The following CELF2 variants were observed in gnomAD, a reference collection of about 807,000 sequenced individuals.
CELF2 encodes the protein CUG triplet repeat RNA-binding protein 2.
In CELF2, 8 loss-of-function variants were observed where a neutral mutation model predicts 62.6. The observed-to-expected ratio is 0.13, with a 90% CI of 0.07 to 0.23. CELF2 has a LOEUF of 0.23. CELF2 is among the 10% of genes least tolerant of loss of function. CELF2 has a pLI of 1.00. For missense variants in CELF2, 333 were observed against 671.0 expected, an observed-to-expected ratio of 0.50 and a Z score of 5.56; for synonymous variants, 258 against 250.0, an observed-to-expected ratio of 1.03 and a Z score of -0.30.
chr10:10,887,914 G>A (rs1043765004), intron 1 of CELF2, among the ~76,000 whole-genome samples: 4 of 152,066 alleles, frequency 2.6e-5, no homozygotes, highest in African/African-American at 7.2e-5. Flanking sequence ...TGGAATTACT[G>A]GCATACGCCA....
Position 11,255,279 on chromosome 10 carries a change from C to T in CELF2, c.404-2459C>T, listed in dbSNP as rs1392478567. 6.6e-6 allele frequency among the ~76,000 whole-genome samples: 1 copy of T among 152,192 alleles called. No homozygotes were observed. The highest frequency in any genetic ancestry group is 1.5e-5 in the Non-Finnish European group (1 of 68,018). Reference sequence around the variant, plus strand: ...ATTGGAGCCCGGGGTGCCTGTTGCCCATGTCTCCTCCGAGTCTGAACACAA... The same window carrying T: ...ATTGGAGCCCGGGGTGCCTGTTGCCTATGTCTCCTCCGAGTCTGAACACAA... On this transcript the variant is annotated intron_variant, in intron 4 of 12. Coordinates refer to ENST00000633077, the MANE Select transcript of CELF2 (RefSeq NM_001326342.2). The surrounding 1 kb of genome is among the most constrained non-coding windows in gnomAD (Gnocchi z 5.5).
intron 4 of CELF2, among the ~76,000 whole-genome samples, 182 bp downstream of exon 4, chr10:11,249,383 C>G (rs2076497035): frequency 6.6e-6 from 1 of 152,182 alleles, no homozygotes; most frequent in Non-Finnish European, 1.5e-5. Flanking sequence ...CTCCTCTCTC[C>G]TGTCCTGTTG....
At chr10:11,154,787 C>T (rs28540726) in intron 1 of CELF2, among the ~76,000 whole-genome samples, 26,925 of 152,138 alleles carry the variant, frequency 0.18, 2,778 homozygotes, top group African/African-American at 0.29. Context: ...TGATACATTA[C>T]TGACTGAAAA....
the CELF2 span, among the ~76,000 whole-genome samples, chr10:10,570,521 A>G: frequency 3.9e-5 from 6 of 152,174 alleles, no homozygotes; most frequent in Admixed American, 3.3e-4. Context: ...TTAAAAGATT[A>G]CTAAAATGTA....
intron 5 of CELF2, among the ~76,000 whole-genome samples, chr10:11,258,585 G>A (rs1380477655): frequency 5.3e-5 from 8 of 152,318 alleles, no homozygotes; most frequent in Non-Finnish European, 1.0e-4. Context: ...CCTCTCCCTT[G>A]ACAATGCCAC....
chr10:11,139,401 G>A (rs73575671), intron 1 of CELF2, among the ~76,000 whole-genome samples: 17,107 of 152,168 alleles, frequency 0.11, 1,186 homozygotes, highest in African/African-American at 0.19. Context: ...AAGAAATTCT[G>A]TTAAAATTCA....
In CELF2 at chr10:11,318,644, C is replaced by G. The variant is rs1366768823; in HGVS notation, c.1097-2545C>G. ...CACAATACCCTCTGAAACATCCATC[C>G]AGTATTTCAAGAGCAGGAGCTGTGT... On this transcript the variant is annotated intron_variant, in intron 10 of 12. Coordinates refer to ENST00000633077, the MANE Select transcript of CELF2 (RefSeq NM_001326342.2). This position sits in a 1 kb window ranked among gnomAD's most constrained non-coding sequence, Gnocchi z 5.4. 5.1e-5 allele frequency: 20 copies of G among 395,678 alleles called. No individual in the cohort carries two copies. In the Admixed American group the frequency reaches 6.2e-4, roughly 12 times the overall value. The allele number at this position is 395,678 out of a possible 1,614,324, so 24.5% of individuals were successfully genotyped here.
At chr10:11,016,770 A>T (rs767916151), upstream of CELF2, among the ~76,000 whole-genome samples, 10 of 152,254 alleles carry the variant, frequency 6.6e-5, no homozygotes, top group Non-Finnish European at 1.0e-4. This position sits in a 1 kb window ranked among gnomAD's most constrained non-coding sequence, Gnocchi z 5.2. Flanking sequence ...TGAAAATTAC[A>T]TATTTCAAAC....
At chr10:11,222,563 G>A (rs2065181369) in intron 3 of CELF2, among the ~76,000 whole-genome samples, 1 of 152,010 alleles carries the variant, frequency 6.6e-6, no homozygotes, top group South Asian at 2.1e-4. Flanking sequence ...TTCTTTATTC[G>A]GCAACCATGT....
At chr10:10,800,689 C>T (rs1239912543) in intron 1 of CELF2, among the ~76,000 whole-genome samples, 3 of 152,136 alleles carry the variant, frequency 2.0e-5, no homozygotes, top group African/African-American at 4.8e-5. Flanking sequence ...TTTTTACTTT[C>T]GTTAAATAAT....
At chr10:10,742,206 A>C in the CELF2 span, among the ~76,000 whole-genome samples, 3 of 148,010 alleles carry the variant, frequency 2.0e-5, no homozygotes, top group Non-Finnish European at 4.5e-5. Flanking sequence ...TTAATGAGAA[A>C]AAAATTTTGG....
At chr10:10,730,638 G>A in the CELF2 span, among the ~76,000 whole-genome samples, 15 of 152,222 alleles carry the variant, frequency 9.9e-5, no homozygotes, top group East Asian at 1.9e-4. Context: ...TATTTGCCAC[G>A]TGAAAACCAT....
intron 1 of CELF2, among the ~76,000 whole-genome samples, chr10:10,873,848 G>C (rs1204920148): frequency 6.6e-6 from 1 of 152,130 alleles, no homozygotes; most frequent in South Asian, 2.1e-4. Context: ...CCTTCTTTCT[G>C]GGGGTGTGGA....
chr10:10,816,050 C>T (rs979828934), intron 1 of CELF2, among the ~76,000 whole-genome samples: 1 of 152,070 alleles, frequency 6.6e-6, no homozygotes, highest in Non-Finnish European at 1.5e-5. Context: ...AGACCTTTTA[C>T]TTTTATTGAC....
chr10:10,655,342 G>A, the CELF2 span, among the ~76,000 whole-genome samples: 2 of 119,142 alleles, frequency 1.7e-5, no homozygotes, highest in Non-Finnish European at 3.7e-5. Flanking sequence ...AGCTACCAAT[G>A]ACTTTCTTCA....
At chr10:11,240,100 G>A (rs7895167) in intron 3 of CELF2, among the ~76,000 whole-genome samples, 62,310 of 152,040 alleles carry the variant, frequency 0.41, 12,765 homozygotes, top group East Asian at 0.46. Flanking sequence ...ATATGTAAAA[G>A]AACAACTTGA....
intron 1 of CELF2, among the ~76,000 whole-genome samples, chr10:11,074,288 AT>A (rs1404810533): frequency 6.6e-6 from 1 of 152,210 alleles, no homozygotes; most frequent in Non-Finnish European, 1.5e-5. Context: ...TTTTTTAAAA[AT>A]ATATTCGTAA....
chr10:11,277,920 C>G (rs1990), intron 8 of CELF2, among the ~76,000 whole-genome samples: 18,303 of 152,124 alleles, frequency 0.12, 2,090 homozygotes, highest in African/African-American at 0.3. Flanking sequence ...ATAAAATGAT[C>G]TCTGCATCTA....
chr10:11,009,847 A>T (rs2056110794), intron 1 of CELF2, among the ~76,000 whole-genome samples: 1 of 152,220 alleles, frequency 6.6e-6, no homozygotes, highest in Non-Finnish European at 1.5e-5. Context: ...TCAAGTTATG[A>T]TGCTGACATA....
Sources: gnomAD v4.1 joint callset for allele counts (sites outside exome capture counted in the v4.1 genomes callset) on GRCh38, gnomAD v4.1.1 for gene constraint, Gnocchi (gnomAD v3.1) non-coding constraint, MANE v1.5 for transcripts, NCBI Gene and HGNC (gene_info 2026-07-23, HGNC 2026-07-21) for gene names.